Variants in TTC28 observed in about 807,000 individuals in gnomAD.
The protein encoded by TTC28 is tetratricopeptide repeat protein 28.
In TTC28, 61 loss-of-function variants were observed where a neutral mutation model predicts 198.0. The ratio of observed to expected loss-of-function variants is 0.31; its 90% CI spans 0.25 to 0.38. The LOEUF is 0.38. TTC28 is among the 10% of genes least tolerant of loss of function. TTC28 has a pLI of 1.00. For synonymous variants in TTC28, 1,171 were observed against 1,297.8 expected (o/e 0.90, Z 2.10); for missense variants, 2,678 against 3,164.0 (o/e 0.85, Z 3.69).
At chr22:28,260,329 G>A (rs537950454) in intron 5 of TTC28, among the ~76,000 whole-genome samples, 1 of 152,186 alleles carries the variant, frequency 6.6e-6, no homozygotes, top group African/African-American at 2.4e-5. Flanking sequence ...ATTCTATTTA[G>A]CTAATGGAAT....
chr22:28,593,722 T>C (rs2050483084), intron 2 of TTC28, among the ~76,000 whole-genome samples: 1 of 152,206 alleles, frequency 6.6e-6, no homozygotes, highest in Non-Finnish European at 1.5e-5. Context: ...ATTGTATAAG[T>C]ATGTATCAAC....
At chr22:28,582,348 A>C (rs1399403157) in intron 2 of TTC28, among the ~76,000 whole-genome samples, 1 of 152,184 alleles carries the variant, frequency 6.6e-6, no homozygotes, top group Non-Finnish European at 1.5e-5. Context: ...CTCACAGAGG[A>C]TAAGTAAAAT....
intron 12 of TTC28, among the ~76,000 whole-genome samples, chr22:28,086,639 C>G (rs140732773): frequency 0.069 from 10,489 of 152,012 alleles, 436 homozygotes; most frequent in South Asian, 0.089. Flanking sequence ...CAAAAGCTAG[C>G]AGAAGGCAAG....
chr22:28,439,413 G>T (rs927122150), intron 2 of TTC28, among the ~76,000 whole-genome samples: 1 of 152,172 alleles, frequency 6.6e-6, no homozygotes, highest in Non-Finnish European at 1.5e-5. Flanking sequence ...CAAAGCTCTG[G>T]CTAACATTCA....
chr22:28,373,853 G>C (rs762632372), intron 2 of TTC28, among the ~76,000 whole-genome samples: 14 of 152,080 alleles, frequency 9.2e-5, no homozygotes, highest in Non-Finnish European at 1.6e-4. Context: ...TTTTGCTTCT[G>C]AAAGCAAACA....
chr22:28,029,181 G>C, intron 13 of TTC28: 1 of 459,188 alleles, frequency 2.2e-6, no homozygotes, highest in Admixed American at 2.4e-5. Context: ...AACTAAGGGT[G>C]AACTAGCTTG....
chr22:28,610,892 CA>C (rs2146148598), intron 2 of TTC28, among the ~76,000 whole-genome samples: 1 of 151,982 alleles, frequency 6.6e-6, no homozygotes, highest in Non-Finnish European at 1.5e-5. Flanking sequence ...CCTGATGAAG[CA>C]GAAAAACACA....
intron 13 of TTC28, among the ~76,000 whole-genome samples, chr22:28,018,299 G>GCA (rs1938456442): frequency 2.0e-5 from 2 of 101,376 alleles, no homozygotes; most frequent in Admixed American, 8.6e-5. Flanking sequence ...GCGCGTGTGT[G>GCA]CGCGCGCGGG....
intron 5 of TTC28, among the ~76,000 whole-genome samples, chr22:28,183,346 T>A (rs1368619628): frequency 6.6e-6 from 1 of 152,132 alleles, no homozygotes; most frequent in Non-Finnish European, 1.5e-5. Context: ...GGGTGAGCTA[T>A]CATGCTTGGC....
intron 12 of TTC28, among the ~76,000 whole-genome samples, chr22:28,070,808 A>G (rs1273654043): frequency 3.3e-5 from 5 of 152,230 alleles, no homozygotes; most frequent in Non-Finnish European, 7.3e-5. Context: ...AATATATGTG[A>G]CACAGTTTCA....
intron 5 of TTC28, among the ~76,000 whole-genome samples, chr22:28,168,947 G>A (rs1270860983): frequency 2.6e-5 from 4 of 152,022 alleles, no homozygotes; most frequent in Admixed American, 1.3e-4. Context: ...AATATCCAGA[G>A]TCTACAATGA....
intron 2 of TTC28, among the ~76,000 whole-genome samples, chr22:28,404,412 C>A (rs936597910): frequency 6.6e-6 from 1 of 152,130 alleles, no homozygotes; most frequent in Non-Finnish European, 1.5e-5. Flanking sequence ...ACACCGCGCC[C>A]GGCCTATATG....
At chr22:28,105,156 G>T in intron 8 of TTC28, 123 bp downstream of exon 8, 1 of 1,046,406 alleles carries the variant, frequency 9.6e-7, no homozygotes, top group Non-Finnish European at 1.4e-6. Flanking sequence ...TGTGGCCTCT[G>T]AGACCCTTAC....
intron 1 of TTC28, among the ~76,000 whole-genome samples, chr22:28,678,461 T>C (rs903652086): frequency 7.9e-5 from 12 of 152,164 alleles, no homozygotes; most frequent in Non-Finnish European, 1.2e-4. Flanking sequence ...CTCAAGCCCC[T>C]GGGCTCAAGC....
chr22:28,523,673 ACT>A lies in TTC28; in HGVS notation c.381+105877_381+105878del, dbSNP rs377540649. ...TTCAATTTTATAAACAAGGACACAG[ACT>A]CTCAGAAAGATTAAGTTATTTTTTC... is the stretch of plus-strand genomic sequence containing the variant. On this transcript the variant is annotated intron_variant, in intron 2 of 22. Coordinates refer to ENST00000397906, the MANE Select transcript of TTC28 (RefSeq NM_001145418.2). Among the ~76,000 whole-genome samples the A allele has an allele frequency of 3.8e-3, 584 of 152,296 alleles. 7 individuals are homozygous for A. Among genetic ancestry groups the A allele is most frequent in the South Asian group, 0.03 (145 of 4,820 alleles).
intron 2 of TTC28, among the ~76,000 whole-genome samples, chr22:28,347,584 G>C (rs1358928255): frequency 6.6e-6 from 1 of 152,126 alleles, no homozygotes; most frequent in Non-Finnish European, 1.5e-5. Flanking sequence ...AGAAAGAATA[G>C]CACCTGGCTG....
At chr22:27,990,152 G>T in intron 20 of TTC28, 145 bp from the exon 21 acceptor site, 1 of 1,128,252 alleles carries the variant, frequency 8.9e-7, no homozygotes, top group Non-Finnish European at 1.2e-6. Flanking sequence ...TCTTTTTCAG[G>T]TGCATTCATA....
At chr22:28,669,761 T>C (rs894100279) in intron 1 of TTC28, among the ~76,000 whole-genome samples, 55 of 152,226 alleles carry the variant, frequency 3.6e-4, no homozygotes, top group Admixed American at 1.4e-3. Context: ...TCTATCTTTA[T>C]TTTAAGATGT....
chr22:28,094,356 G>A, intron 11 of TTC28, 111 bp from the exon 12 acceptor site: 1 of 1,213,578 alleles, frequency 8.2e-7, no homozygotes, highest in Non-Finnish European at 1.1e-6. Context: ...TGACAAGCAT[G>A]CCATCCTGCA....
Sources: gnomAD v4.1 joint callset for allele counts (sites outside exome capture counted in the v4.1 genomes callset) on GRCh38, gnomAD v4.1.1 for gene constraint, MANE v1.5 for transcripts, NCBI Gene and HGNC (gene_info 2026-07-23, HGNC 2026-07-21) for gene names.